KLHL4: variants seen among roughly 807,000 people sequenced by gnomAD.
KLHL4 encodes the protein kelch-like protein 4.
In KLHL4, 17 loss-of-function variants were observed where a neutral mutation model predicts 45.8. The observed-to-expected ratio is 0.37, with a 90% CI of 0.25 to 0.56. KLHL4 has a LOEUF of 0.56. KLHL4 is among the 20% of genes least tolerant of loss of function. KLHL4 has a pLI of 0.79. For synonymous variants in KLHL4, 224 were observed against 189.9 expected (o/e 1.18, Z -1.47); for missense variants, 544 against 544.9 (o/e 1.00, Z 0.02).
At position 87,613,963 on chromosome X, in the gene KLHL4, G is replaced by A. The variant is rs754779267; in HGVS notation, c.509G>A (p.Arg170His). ...ATAAACCACGCAGAGCAAACTCTTC[G>A]TAAAATGGAGAACTACTTGAAAGAG... ...HVINHAEQTL[R>H]KMENYLKEKQ... Residue 170 changes from arginine to histidine, a missense_variant, in exon 2 of 11, where the codon CGT (arginine) becomes CAT (histidine). Transcript: ENST00000373119. The A allele has an allele frequency of 1.4e-5, 17 of 1,205,426 alleles. No homozygotes were observed. The highest frequency in any genetic ancestry group is 1.8e-5 in the African/African-American group (1 of 56,945).
intron 9 of KLHL4, among the ~76,000 whole-genome samples, chrX:87,645,676 TA>T (rs1220600269): frequency 9.0e-6 from 1 of 111,345 alleles, no homozygotes; most frequent in African/African-American, 3.3e-5. Flanking sequence ...AACAAGTGGA[TA>T]AAGAAACTAT....
At chrX:87,650,722 C>G (rs997074328) in intron 9 of KLHL4, among the ~76,000 whole-genome samples, 1 of 111,353 alleles carries the variant, frequency 9.0e-6, no homozygotes, top group African/African-American at 3.3e-5. Flanking sequence ...ATTTAAGTCT[C>G]CAATCCATTG....
intron 1 of KLHL4, among the ~76,000 whole-genome samples, chrX:87,612,523 A>G (rs1922416366): frequency 8.9e-6 from 1 of 111,771 alleles, no homozygotes; most frequent in Non-Finnish European, 1.9e-5. Flanking sequence ...ATGATGCACA[A>G]CAACAAATCC....
At chrX:87,536,093 G>T (rs930392068) in intron 1 of KLHL4, among the ~76,000 whole-genome samples, 2 of 110,911 alleles carry the variant, frequency 1.8e-5, no homozygotes, top group Non-Finnish European at 3.8e-5. Context: ...ATGCAAGAAC[G>T]AACTAATACA....
At chrX:87,664,723 A>ATTTTCAG (rs767406413) in intron 9 of KLHL4, 41 bp from the exon 10 acceptor site, 4 of 992,868 alleles carry the variant, frequency 4.0e-6, no homozygotes, top group Non-Finnish European at 5.6e-6. Flanking sequence ...TTGTAACTCT[A>ATTTTCAG]TTGGACTTTT....
chrX:87,581,293 A>C (rs1287075237), intron 1 of KLHL4, among the ~76,000 whole-genome samples: 1 of 112,468 alleles, frequency 8.9e-6, no homozygotes, highest in Non-Finnish European at 1.9e-5. Flanking sequence ...AGTCTAGCCT[A>C]TTGGCCTTGG....
intron 4 of KLHL4, among the ~76,000 whole-genome samples, chrX:87,619,743 G>A (rs1202230479): frequency 1.8e-5 from 2 of 109,238 alleles, no homozygotes; most frequent in Admixed American, 1.9e-4. Context: ...TGACCAAAAC[G>A]GAGTGTTGAA....
rs756668503 is a variant in KLHL4 at position 87,582,842 on chromosome X, C to T, written c.423-31035C>T. The stretch of plus-strand genomic sequence containing the variant: ...CAGCAGCAAGATTTATTGTGAAGAG[C>T]GGAAGAACAAAGCTTCCAAAGTGTG... On this transcript the variant is annotated intron_variant, in intron 1 of 10. Transcript: ENST00000373119. Among the ~76,000 whole-genome samples, 6 of 111,764 alleles carry T rather than the reference C, an allele frequency of 5.4e-5. No homozygotes were observed. In the East Asian group the frequency reaches 1.7e-3, roughly 32 times the overall value.
chrX:87,558,449 A>G (rs889624475), intron 1 of KLHL4, among the ~76,000 whole-genome samples: 3 of 111,699 alleles, frequency 2.7e-5, no homozygotes, highest in Non-Finnish European at 5.6e-5. Flanking sequence ...TCACACCTCA[A>G]TCATCTTATA....
At chrX:87,539,903 T>C (rs1333812575) in intron 1 of KLHL4, among the ~76,000 whole-genome samples, 1 of 111,138 alleles carries the variant, frequency 9.0e-6, no homozygotes, top group Non-Finnish European at 1.9e-5. Flanking sequence ...CAATTTTGTC[T>C]TCGTCTGAAC....
intron 9 of KLHL4, among the ~76,000 whole-genome samples, chrX:87,637,095 A>C (rs1214556445): frequency 9.1e-6 from 1 of 110,041 alleles, no homozygotes; most frequent in African/African-American, 3.3e-5. Context: ...AGCATACTTC[A>C]CTCCCCAGCC....
At chrX:87,542,880 A>G (rs1018781760) in intron 1 of KLHL4, among the ~76,000 whole-genome samples, 1 of 111,688 alleles carries the variant, frequency 9.0e-6, no homozygotes, top group South Asian at 3.8e-4. Context: ...CCAGAGGCAG[A>G]ATGATATTGT....
chrX:87,581,842 A>G (rs1399376096), intron 1 of KLHL4, among the ~76,000 whole-genome samples: 1 of 112,098 alleles, frequency 8.9e-6, no homozygotes, highest in Non-Finnish European at 1.9e-5. Context: ...AAGGGTTCAG[A>G]ACTGGGATAA....
intron 9 of KLHL4, among the ~76,000 whole-genome samples, chrX:87,640,075 C>A (rs2147829181): frequency 9.0e-6 from 1 of 110,999 alleles, no homozygotes; most frequent in Non-Finnish European, 1.9e-5. Context: ...TTTACATACA[C>A]AAACTAGAAA....
chrX:87,669,090 A>G lies in KLHL4; in HGVS notation c.*2556A>G. On this transcript the variant is annotated 3_prime_UTR_variant, in exon 11 of 11. Transcript: ENST00000373119. ...CAGGCCCTTTCTGACATGCTTTAGC[A>G]GAGATAACTTATCAGGGCTAGTTTA... 1.1e-6 allele frequency: 1 copy of G among 938,720 alleles called. No homozygotes were observed. Among genetic ancestry groups the G allele is most frequent in the Non-Finnish European group, 1.3e-6 (1 of 755,697 alleles). 77.4% of individuals were successfully genotyped at this position (938,720 alleles called of 1,213,427 possible).
chrX:87,638,230 T>C (rs1923333042), intron 9 of KLHL4, among the ~76,000 whole-genome samples: 1 of 111,668 alleles, frequency 9.0e-6, no homozygotes, highest in Non-Finnish European at 1.9e-5. Flanking sequence ...TTAGTTTGTG[T>C]TCCCAAAGAA....
intron 1 of KLHL4, among the ~76,000 whole-genome samples, chrX:87,568,364 CT>C (rs1282998998): frequency 1.8e-4 from 15 of 82,534 alleles, no homozygotes; most frequent in Non-Finnish European, 1.2e-4. Context: ...ATCCCTACAG[CT>C]TTTTTTCTTT....
chrX:87,603,136 T>C (rs902682100), intron 1 of KLHL4, among the ~76,000 whole-genome samples: 2 of 111,609 alleles, frequency 1.8e-5, no homozygotes, highest in East Asian at 5.6e-4. Context: ...AATAATTTAA[T>C]TGAGACTACC....
chrX:87,659,732 GT>G (rs1924123607), intron 9 of KLHL4, among the ~76,000 whole-genome samples: 1 of 111,140 alleles, frequency 9.0e-6, no homozygotes, highest in South Asian at 3.7e-4. Flanking sequence ...AATTGACTTT[GT>G]TTTTATTTTT....
Sources: allele counts gnomAD v4.1 joint callset (sites outside exome capture counted in the v4.1 genomes callset), GRCh38; gene constraint gnomAD v4.1.1; transcripts MANE v1.5; gene names NCBI Gene and HGNC (gene_info 2026-07-23, HGNC 2026-07-21).